Variants in ITPR2 observed in about 807,000 individuals in gnomAD.
ITPR2 encodes inositol 1,4,5-trisphosphate receptor type 2.
ITPR2 carries 207 observed loss-of-function variants against 317.1 expected under a neutral mutation model. The ratio of observed to expected loss-of-function variants is 0.65; its 90% CI spans 0.58 to 0.73. The LOEUF (loss-of-function observed/expected upper bound fraction) is 0.73, where lower values mean the gene tolerates loss of function less well. Ranked by LOEUF, ITPR2 falls within the 30% of genes least tolerant of loss-of-function variation. The pLI, the probability that ITPR2 is intolerant of heterozygous loss-of-function variation, is 0.00. For missense variants in ITPR2, 2,613 were observed against 3,284.0 expected (o/e 0.80, Z 4.99); for synonymous variants, 1,156 against 1,149.1 (o/e 1.01, Z -0.12).
chr12:26,379,063 T>C (rs750810308), intron 55 of ITPR2, among the ~76,000 whole-genome samples: 10 of 152,214 alleles, frequency 6.6e-5, no homozygotes, highest in East Asian at 1.9e-4. Flanking sequence ...TTACACATTG[T>C]ATGGGATCGA....
intron 52 of ITPR2, chr12:26,406,465 G>A (rs986766957): frequency 7.6e-6 from 1 of 131,784 alleles, no homozygotes; most frequent in Non-Finnish European, 1.6e-5. Context: ...AAACACAGTT[G>A]GTTGCCAGTT....
At chr12:26,761,167 A>G (rs12578562) in intron 2 of ITPR2, among the ~76,000 whole-genome samples, 30,924 of 152,080 alleles carry the variant, frequency 0.2, 3,768 homozygotes, top group Non-Finnish European at 0.28. Context: ...CATAGATTCA[A>G]GCACCAGACT....
chr12:26,453,514 T>G (rs1455198483), intron 45 of ITPR2, among the ~76,000 whole-genome samples: 1 of 152,204 alleles, frequency 6.6e-6, no homozygotes, highest in African/African-American at 2.4e-5. Context: ...AGAAACTGAT[T>G]TCTGGGAAAC....
chr12:26,782,282 C>T (rs1406575367), intron 2 of ITPR2, among the ~76,000 whole-genome samples: 1 of 151,486 alleles, frequency 6.6e-6, no homozygotes, highest in East Asian at 1.9e-4. Flanking sequence ...GTTCTTTATA[C>T]ACAGCTCAGA....
intron 37 of ITPR2, among the ~76,000 whole-genome samples, chr12:26,525,393 C>A (rs1943784461): frequency 6.6e-6 from 1 of 152,178 alleles, no homozygotes; most frequent in Non-Finnish European, 1.5e-5. Flanking sequence ...CAAAAGCGCT[C>A]ACCTAGACAG....
intron 37 of ITPR2, among the ~76,000 whole-genome samples, chr12:26,525,109 C>T (rs1246069031): frequency 1.3e-5 from 2 of 152,132 alleles, no homozygotes; most frequent in South Asian, 2.1e-4. Context: ...TTCACCATCT[C>T]AGGGAAGAGG....
At chr12:26,533,128 G>A (rs569049023) in intron 37 of ITPR2, among the ~76,000 whole-genome samples, 5 of 152,272 alleles carry the variant, frequency 3.3e-5, no homozygotes, top group African/African-American at 1.2e-4. Flanking sequence ...TCAGCCCAAA[G>A]CTAAAAACTG....
chr12:26,457,530 G>T (rs1040043713), intron 45 of ITPR2, among the ~76,000 whole-genome samples: 1 of 152,196 alleles, frequency 6.6e-6, no homozygotes, highest in Non-Finnish European at 1.5e-5. Context: ...CTGTGTTAGA[G>T]AACACTCTAC....
At chr12:26,351,997 G>T (rs1171352527) in intron 55 of ITPR2, among the ~76,000 whole-genome samples, 1 of 152,136 alleles carries the variant, frequency 6.6e-6, no homozygotes, top group Non-Finnish European at 1.5e-5. Context: ...TTTGGAATAG[G>T]GTATTGAATA....
At chr12:26,463,108 T>C (rs1942079624) in intron 45 of ITPR2, among the ~76,000 whole-genome samples, 1 of 152,254 alleles carries the variant, frequency 6.6e-6, no homozygotes, top group Non-Finnish European at 1.5e-5. Context: ...TAAGTATTTT[T>C]ATATTGGCTT....
At chr12:26,676,072 C>T (rs11048644) in intron 13 of ITPR2, among the ~76,000 whole-genome samples, 28,294 of 152,120 alleles carry the variant, frequency 0.19, 3,552 homozygotes, top group East Asian at 0.55. Context: ...GCAGGAGAAT[C>T]GCTTGAACCC....
At chr12:26,781,044 T>C (rs1305985139) in intron 2 of ITPR2, among the ~76,000 whole-genome samples, 1 of 152,190 alleles carries the variant, frequency 6.6e-6, no homozygotes, top group Non-Finnish European at 1.5e-5. Context: ...AGAGTATGCA[T>C]GAAATACAGG....
Position 26,602,370 on chromosome 12 carries a change from C to T in ITPR2, c.3678G>A (p.Lys1226=), listed in dbSNP as rs374563640. Reference sequence around the variant, plus strand: ...AGAACAAAAAATAACCAGGACTAACCTTTTCATAGGGTATCTGCAGAAGAT... The same window carrying T: ...AGAACAAAAAATAACCAGGACTAACTTTTTCATAGGGTATCTGCAGAAGAT... The part of the protein sequence containing the change: ...VLDLLQIPYE[K]NDEKMNEVMN... Residue 1226 remains lysine (K), a splice_region_variant and synonymous_variant, in exon 28 of 57, where the codon AAG becomes AAA. Coordinates refer to ENST00000381340, the MANE Select transcript of ITPR2 (RefSeq NM_002223.4). The T allele has an allele frequency of 6.2e-7, 1 of 1,609,542 alleles. No individual in the cohort carries two copies. The highest frequency in any genetic ancestry group is 1.3e-5 in the African/African-American group (1 of 74,726).
chr12:26,583,370 A>C (rs1945447857), intron 32 of ITPR2, among the ~76,000 whole-genome samples: 1 of 152,096 alleles, frequency 6.6e-6, no homozygotes, highest in Admixed American at 6.6e-5. Context: ...ACATATTTTT[A>C]TGAGCTCTTT....
chr12:26,525,344 G>A (rs1431628611), intron 37 of ITPR2, among the ~76,000 whole-genome samples: 1 of 152,100 alleles, frequency 6.6e-6, no homozygotes, highest in East Asian at 1.9e-4. Flanking sequence ...GACATATAAA[G>A]TATATCCTTG....
chr12:26,488,492 G>C (rs758557609), intron 39 of ITPR2, among the ~76,000 whole-genome samples: 10 of 152,186 alleles, frequency 6.6e-5, no homozygotes, highest in East Asian at 3.9e-4. Flanking sequence ...TTCTCTGTGG[G>C]CAATGTATAT....
At chr12:26,787,948 A>G in intron 2 of ITPR2, among the ~76,000 whole-genome samples, 1 of 130,652 alleles carries the variant, frequency 7.7e-6, no homozygotes, top group Non-Finnish European at 1.6e-5. Context: ...TTTTGAGATG[A>G]AGTTTCGCTT....
intron 14 of ITPR2, 87 bp downstream of exon 14, chr12:26,665,823 A>G: frequency 8.6e-7 from 1 of 1,163,620 alleles, no homozygotes; most frequent in South Asian, 1.5e-5. Context: ...CATTTGCTTC[A>G]TAGTAATAGA....
intron 10 of ITPR2, among the ~76,000 whole-genome samples, chr12:26,687,313 A>T (rs1460407136): frequency 6.6e-6 from 1 of 152,210 alleles, no homozygotes; most frequent in Non-Finnish European, 1.5e-5. Context: ...CCATGGAAGA[A>T]CTGGTTGCAC....
Sources: gnomAD v4.1 joint callset for allele counts (sites outside exome capture counted in the v4.1 genomes callset) on GRCh38, gnomAD v4.1.1 for gene constraint, MANE v1.5 for transcripts, NCBI Gene and HGNC (gene_info 2026-07-23, HGNC 2026-07-21) for gene names.